Variants in ZNF138 observed in about 807,000 individuals in gnomAD.
The protein encoded by ZNF138 is zinc finger protein 138.
In ZNF138, 33 loss-of-function variants were observed where a neutral mutation model predicts 33.0. That is an observed-to-expected ratio of 1.00 (90% CI 0.76 to 1.34). The LOEUF (loss-of-function observed/expected upper bound fraction) is 1.34, where lower values mean the gene tolerates loss of function less well. Among genes scored for constraint, ZNF138 ranks in the 40% most tolerant of loss-of-function variants. The probability of loss-of-function intolerance (pLI) is 0.00; values close to 1 mark genes in which losing one functional copy is unlikely to be tolerated. For synonymous variants in ZNF138, 139 were observed against 120.4 expected (o/e 1.15, Z -1.01); for missense variants, 360 against 370.8 (o/e 0.97, Z 0.24).
In ZNF138 at chr7:64,831,990, C is replaced by A; in HGVS notation, c.748C>A (p.Pro250Thr). 2 of 1,613,564 alleles carry A rather than the reference C, an allele frequency of 1.2e-6. No individual in the cohort carries two copies. The highest frequency in any genetic ancestry group is 8.5e-7 in the Non-Finnish European group (1 of 1,179,786). ...TAAGATAATTCGTACTGGAGAAAAACCCTATAAATGTGCACACTGTGGCAA... is the reference window on the plus strand; with the variant it reads ...TAAGATAATTCGTACTGGAGAAAAAACCTATAAATGTGCACACTGTGGCAA... Reference protein sequence around the residue: ...KHKIIRTGEKPYKCAHCGKAF... With the variant: ...KHKIIRTGEKTYKCAHCGKAF... Residue 250 changes from proline to threonine, a missense_variant, in exon 4 of 4, where the codon CCC becomes ACC. Coordinates refer to ENST00000307355, the MANE Select transcript of ZNF138 (RefSeq NM_001271639.2).
rs1415004790 is a variant in ZNF138 at position 64,832,205 on chromosome 7, A to G, written c.*3A>G. 1 of 1,603,124 alleles carries G rather than the reference A, an allele frequency of 6.2e-7. No homozygotes were observed. Among genetic ancestry groups the G allele is most frequent in the East Asian group, 2.2e-5 (1 of 44,744 alleles). The stretch of plus-strand genomic sequence containing the variant: ...GCAAAGCTTTTAACCTATCTTAACA[A>G]CTTACTGAACATAAGAAAATTTACA... On this transcript the variant is annotated 3_prime_UTR_variant, in exon 4 of 4. Transcript: ENST00000307355.
At chr7:64,843,631 T>C in the ZNF138 span, among the ~76,000 whole-genome samples, 1 of 152,260 alleles carries the variant, frequency 6.6e-6, no homozygotes, top group East Asian at 1.9e-4. Flanking sequence ...TTTTGTCATA[T>C]AGTCATTTGA....
intron 1 of ZNF138, among the ~76,000 whole-genome samples, chr7:64,807,145 ATGCTAATGAC>A (rs1327390424): frequency 6.6e-6 from 1 of 152,246 alleles, no homozygotes; most frequent in Non-Finnish European, 1.5e-5. Context: ...TATAGAAACA[ATGCTAATGAC>A]TGGCTTGCTG....
Position 64,831,786 on chromosome 7 carries a change from CTAACTCAACATAAAAAAAT to C in ZNF138, c.546_564del (p.Thr183IlefsTer55), listed in dbSNP as rs1481320762. On this transcript the variant is annotated frameshift_variant, in exon 4 of 4. Transcript: ENST00000307355. LOFTEE classifies it high-confidence loss of function. ...CAAATCACTTTGCATGCTTTCACGC[CTAACTCAACATAAAAAAAT>C]TCATACTAGAGAGAATTTCTACAAA... 3 of 1,613,622 alleles carry C rather than the reference CTAACTCAACATAAAAAAAT, an allele frequency of 1.9e-6. No individual in the cohort carries two copies. The East Asian group carries it at 6.7e-5, about 36-fold the overall frequency.
the ZNF138 span, among the ~76,000 whole-genome samples, chr7:64,849,022 C>A: frequency 6.6e-6 from 1 of 152,244 alleles, no homozygotes; most frequent in African/African-American, 2.4e-5. Context: ...TGTTAAAGAA[C>A]TTTGTTTTGT....
chr7:64,831,025 G>C, intron 3 of ZNF138: 1 of 1,551,840 alleles, frequency 6.4e-7, no homozygotes, highest in Non-Finnish European at 8.7e-7. Context: ...TTTATGTCAT[G>C]GGAAACAGAA....
chr7:64,851,714 C>T, the ZNF138 span, among the ~76,000 whole-genome samples: 1,718 of 151,338 alleles, frequency 0.011, 38 homozygotes, highest in African/African-American at 0.037. Flanking sequence ...TTTTTGCTAT[C>T]GATAAAGAAA....
At chr7:64,844,477 C>T in the ZNF138 span, among the ~76,000 whole-genome samples, 1 of 152,172 alleles carries the variant, frequency 6.6e-6, no homozygotes, top group South Asian at 2.1e-4. Flanking sequence ...GATTTTAGGT[C>T]TGGAGTCGAT....
chr7:64,812,751 C>T (rs575114620), intron 1 of ZNF138, among the ~76,000 whole-genome samples: 31 of 151,890 alleles, frequency 2.0e-4, no homozygotes, highest in Non-Finnish European at 3.7e-4. Context: ...GGTGCTGACA[C>T]CTTTAAAGGC....
At chr7:64,824,531 A>G (rs983950969) in intron 3 of ZNF138, among the ~76,000 whole-genome samples, 1 of 152,120 alleles carries the variant, frequency 6.6e-6, no homozygotes, top group Non-Finnish European at 1.5e-5. Context: ...TGAACTTTCT[A>G]TTTATTATTG....
the ZNF138 span, among the ~76,000 whole-genome samples, chr7:64,854,217 C>T: frequency 1.3e-5 from 2 of 152,096 alleles, no homozygotes; most frequent in Admixed American, 6.6e-5. Flanking sequence ...AAATATTGAA[C>T]TTTAAACACA....
At chr7:64,847,879 A>G in the ZNF138 span, among the ~76,000 whole-genome samples, 1 of 151,850 alleles carries the variant, frequency 6.6e-6, no homozygotes, top group Non-Finnish European at 1.5e-5. Context: ...GTAAGGTACT[A>G]TTTTATTCAT....
the ZNF138 span, among the ~76,000 whole-genome samples, chr7:64,851,162 C>A: frequency 6.6e-6 from 1 of 152,048 alleles, no homozygotes; most frequent in Non-Finnish European, 1.5e-5. Context: ...TTACTATAGT[C>A]ACCCTGCTGT....
At chr7:64,821,041 T>TTTG (rs956884238) in intron 3 of ZNF138, among the ~76,000 whole-genome samples, 19 of 54,588 alleles carry the variant, frequency 3.5e-4, no homozygotes, top group African/African-American at 6.4e-4. Context: ...GATTGTTTTT[T>TTTG]TTTGTTTTGT....
the ZNF138 span, among the ~76,000 whole-genome samples, chr7:64,844,861 AT>A: frequency 1.3e-5 from 2 of 151,958 alleles, no homozygotes; most frequent in African/African-American, 4.8e-5. Flanking sequence ...TAATTTTTGT[AT>A]TTTTAGAAGA....
At chr7:64,814,753 ACT>A (rs1203420358) in intron 1 of ZNF138, among the ~76,000 whole-genome samples, 163 bp from the exon 2 acceptor site, 2 of 145,328 alleles carry the variant, frequency 1.4e-5, no homozygotes, top group African/African-American at 4.9e-5. Context: ...ACAGAGTGAG[ACT>A]CTGTCTCAAA....
chr7:64,807,035 A>C (rs1787657406), intron 1 of ZNF138, among the ~76,000 whole-genome samples: 1 of 152,236 alleles, frequency 6.6e-6, no homozygotes. Flanking sequence ...AAACCACTTA[A>C]AGGTGTTCTT....
In ZNF138 at chr7:64,814,280, T is replaced by C. The variant is rs1159681236; in HGVS notation, c.4-638T>C. On this transcript the variant is annotated intron_variant, in intron 1 of 3. Coordinates refer to ENST00000307355, the MANE Select transcript of ZNF138 (RefSeq NM_001271639.2). Reference sequence around the variant, plus strand: ...GTACCTTTTAACTCAACGTGCCTTTTCCATCTGAAAAATACACACAACTTA... The same window carrying C: ...GTACCTTTTAACTCAACGTGCCTTTCCCATCTGAAAAATACACACAACTTA... 1.2e-5 allele frequency: 4 copies of C among 326,790 alleles called. No individual in the cohort carries two copies. The East Asian group carries it at 5.2e-4, about 43-fold the overall frequency. The allele number at this position is 326,790 out of a possible 1,614,324, so 20.2% of individuals were successfully genotyped here.
chr7:64,850,800 G>A, the ZNF138 span, among the ~76,000 whole-genome samples: 4,987 of 152,176 alleles, frequency 0.033, 274 homozygotes, highest in African/African-American at 0.11. Context: ...CAAGTGTACA[G>A]GAAATTTATT....
Sources: allele counts gnomAD v4.1 joint callset (sites outside exome capture counted in the v4.1 genomes callset), GRCh38; gene constraint gnomAD v4.1.1; transcripts MANE v1.5; gene names NCBI Gene and HGNC (gene_info 2026-07-23, HGNC 2026-07-21).